BMPR1B: variants seen among roughly 807,000 people sequenced by gnomAD.
BMPR1B encodes bone morphogenetic protein receptor type 1B.
BMPR1B carries 12 observed loss-of-function variants against 59.1 expected under a neutral mutation model. That is an observed-to-expected ratio of 0.20 (90% confidence interval 0.13 to 0.33). BMPR1B has a LOEUF of 0.33. BMPR1B is among the 10% of genes least tolerant of loss of function. The pLI, the probability that BMPR1B is intolerant of heterozygous loss-of-function variation, is 1.00. For missense variants in BMPR1B, 550 were observed against 610.9 expected, an observed-to-expected ratio of 0.90 and a Z score of 1.05; for synonymous variants, 237 against 207.3, an observed-to-expected ratio of 1.14 and a Z score of -1.23.
chr4:95,128,212 G>A (rs1733047101), intron 8 of BMPR1B, among the ~76,000 whole-genome samples: 1 of 152,170 alleles, frequency 6.6e-6, no homozygotes, highest in African/African-American at 2.4e-5. Context: ...TATGTTCTAT[G>A]ACAAAGGTGA....
chr4:95,086,255 T>C (rs1474465646), intron 3 of BMPR1B, among the ~76,000 whole-genome samples: 6 of 152,200 alleles, frequency 3.9e-5, no homozygotes, highest in Non-Finnish European at 8.8e-5. Context: ...TGTTCGTTGC[T>C]GTTTGTGTTT....
intron 3 of BMPR1B, chr4:95,051,784 A>G (rs1427524966): frequency 2.0e-6 from 3 of 1,534,934 alleles, no homozygotes; most frequent in African/African-American, 2.7e-5. Context: ...TAAGAAGATC[A>G]GTGCCCTCCA....
At chr4:95,024,160 G>T (rs1213450764) in intron 3 of BMPR1B, among the ~76,000 whole-genome samples, 1 of 152,082 alleles carries the variant, frequency 6.6e-6, no homozygotes, top group Non-Finnish European at 1.5e-5. Context: ...CTTGAATAAG[G>T]GTGATTCTAT....
chr4:95,055,912 A>G lies in BMPR1B; in HGVS notation c.-17-48496A>G, dbSNP rs141519760. Among the ~76,000 whole-genome samples, 494 of 152,344 alleles carry G rather than the reference A, an allele frequency of 3.2e-3. 2 individuals carry two copies. Among genetic ancestry groups the G allele is most frequent in the Admixed American group, 7.6e-3 (116 of 15,306 alleles). On this transcript the variant is annotated intron_variant, in intron 3 of 12. Transcript: ENST00000515059. ...TAGTTTCTTTTTTCTCTGTAAGCCA[A>G]CTGAATCTGAAATAACATTGGACAG...
At chr4:94,837,609 G>C (rs1166530226) in intron 1 of BMPR1B, among the ~76,000 whole-genome samples, 2 of 140,908 alleles carry the variant, frequency 1.4e-5, no homozygotes, top group Admixed American at 7.0e-5. Flanking sequence ...CATTGATTTT[G>C]TATCCTGAGA....
At chr4:94,842,725 T>A (rs927489913) in intron 1 of BMPR1B, among the ~76,000 whole-genome samples, 2 of 152,220 alleles carry the variant, frequency 1.3e-5, no homozygotes, top group Admixed American at 1.3e-4. Context: ...GTAATTGAGC[T>A]GCAGGACAAT....
intron 3 of BMPR1B, among the ~76,000 whole-genome samples, chr4:95,045,487 C>T (rs561851255): frequency 2.0e-5 from 3 of 152,286 alleles, no homozygotes; most frequent in South Asian, 2.1e-4. Context: ...CTAGGCATAT[C>T]GAGCTTCTCG....
intron 2 of BMPR1B, among the ~76,000 whole-genome samples, chr4:94,893,997 G>A (rs1578771599): frequency 1.3e-5 from 2 of 152,002 alleles, no homozygotes; most frequent in Admixed American, 6.6e-5. Context: ...TTTGGAAATT[G>A]TAATGTTGCT....
chr4:95,104,564 G>T lies in BMPR1B; in HGVS notation c.140G>T (p.Cys47Phe). 1 of 1,613,226 alleles carries T rather than the reference G, an allele frequency of 6.2e-7. No individual in the cohort carries two copies. The highest frequency in any genetic ancestry group is 8.5e-7 in the Non-Finnish European group (1 of 1,179,456). ...HCPEDSVNNI[C>F]STDGYCFTMI... ...CCAGAAGACTCAGTCAACAATATTTGCAGGTTGGTGATATAAATGATTTAA... is the reference window on the plus strand; with the variant it reads ...CCAGAAGACTCAGTCAACAATATTTTCAGGTTGGTGATATAAATGATTTAA... Residue 47 changes from cysteine (C) to phenylalanine (F), a missense_variant, in exon 4 of 13, where the codon TGC becomes TTC. Physicochemically the swap from Cys to Phe is radical, Grantham distance 205. Around this residue, in one of 6 missense-constraint regions of BMPR1B, gnomAD observed 22 missense variants for 66.1 expected, o/e 0.33. Coordinates refer to ENST00000515059, the MANE Select transcript of BMPR1B (RefSeq NM_001203.3).
chr4:94,879,475 T>C (rs1183926864), intron 2 of BMPR1B, among the ~76,000 whole-genome samples: 1 of 152,110 alleles, frequency 6.6e-6, no homozygotes, highest in East Asian at 1.9e-4. Flanking sequence ...TGCTGGGGTG[T>C]GCCTGTTGTC....
intron 3 of BMPR1B, among the ~76,000 whole-genome samples, chr4:95,079,128 G>A (rs530908736): frequency 6.6e-6 from 1 of 152,252 alleles, no homozygotes; most frequent in African/African-American, 2.4e-5. Context: ...AAACCCAGCT[G>A]TATTTTCCCC....
intron 3 of BMPR1B, among the ~76,000 whole-genome samples, chr4:95,058,387 G>C (rs2149200080): frequency 6.6e-6 from 1 of 152,218 alleles, no homozygotes; most frequent in Admixed American, 6.5e-5. Context: ...ACAGTGTTCA[G>C]TGTTGCATAA....
rs1322434472 is a variant in BMPR1B, at chr4:95,155,392, G to A, written c.*719G>A. On this transcript the variant is annotated 3_prime_UTR_variant, in exon 13 of 13. Coordinates refer to ENST00000515059, the MANE Select transcript of BMPR1B (RefSeq NM_001203.3). Reference sequence around the variant, plus strand: ...CTCTAATAGAAGTAATTGTTGATAGGTGTTCTTCAGATCCACTTCTGTTTC... The same window carrying A: ...CTCTAATAGAAGTAATTGTTGATAGATGTTCTTCAGATCCACTTCTGTTTC... 1 of 148,920 alleles carries A rather than the reference G, an allele frequency of 6.7e-6. No individual in the cohort carries two copies. The highest frequency in any genetic ancestry group is 2.5e-5 in the African/African-American group (1 of 40,188). 9.2% of individuals were successfully genotyped at this position (148,920 alleles called of 1,614,324 possible).
At chr4:95,120,669 C>CTTTCTTTTCT (rs1307975314) in intron 6 of BMPR1B, among the ~76,000 whole-genome samples, 1 of 62,210 alleles carries the variant, frequency 1.6e-5, no homozygotes, top group African/African-American at 5.3e-5. Flanking sequence ...CTTCCTTCTT[C>CTTTCTTTTCT]TTTCTTTTCT....
intron 3 of BMPR1B, among the ~76,000 whole-genome samples, chr4:95,019,425 T>C (rs772118455): frequency 1.3e-5 from 2 of 152,190 alleles, no homozygotes; most frequent in Non-Finnish European, 2.9e-5. Flanking sequence ...GTGAAATGAC[T>C]AGATAAATGA....
intron 2 of BMPR1B, among the ~76,000 whole-genome samples, chr4:94,946,154 G>A (rs1371552522): frequency 6.6e-6 from 1 of 152,142 alleles, no homozygotes; most frequent in African/African-American, 2.4e-5. Flanking sequence ...TACTGCCATG[G>A]AATGTTAGTG....
chr4:94,858,167 G>A (rs1056495327), intron 1 of BMPR1B, among the ~76,000 whole-genome samples: 2 of 151,928 alleles, frequency 1.3e-5, no homozygotes, highest in Non-Finnish European at 2.9e-5. Flanking sequence ...AGCCAGGATG[G>A]TCTCGATCTC....
chr4:95,138,082 G>C (rs991971266), intron 10 of BMPR1B, among the ~76,000 whole-genome samples: 9 of 152,332 alleles, frequency 5.9e-5, no homozygotes, highest in African/African-American at 2.2e-4. Context: ...TCCTTCAGGA[G>C]CTCTTGTAAG....
chr4:95,150,119 A>G (rs1443868899), intron 11 of BMPR1B, among the ~76,000 whole-genome samples: 1 of 152,226 alleles, frequency 6.6e-6, no homozygotes, highest in African/African-American at 2.4e-5. Context: ...AGTGCCTTCT[A>G]ATAATCACTT....
Sources: gnomAD v4.1 joint callset for allele counts (sites outside exome capture counted in the v4.1 genomes callset) on GRCh38, gnomAD v4.1.1 for gene constraint, gnomAD v4.1.1 regional missense constraint, MANE v1.5 for transcripts, NCBI Gene and HGNC (gene_info 2026-07-23, HGNC 2026-07-21) for gene names.